The following SLC39A8 variants were observed in gnomAD, a reference collection of about 807,000 sequenced individuals.
The protein encoded by SLC39A8 is metal cation symporter ZIP8.
A neutral mutation model predicts 40.4 loss-of-function variants in SLC39A8; 15 were observed. That is an observed-to-expected ratio of 0.37 (90% CI 0.25 to 0.57). The LOEUF is 0.57. Among genes scored for constraint, SLC39A8 ranks in the 20% least tolerant of loss-of-function variants. SLC39A8 has a pLI of 0.75. For synonymous variants in SLC39A8, 223 were observed against 221.6 expected (o/e 1.01, Z -0.06); for missense variants, 472 against 558.8 (o/e 0.84, Z 1.57).
intron 11 of SLC39A8, among the ~76,000 whole-genome samples, chr4:102,256,208 G>A (rs952060257): frequency 1.3e-5 from 2 of 152,108 alleles, no homozygotes; most frequent in Non-Finnish European, 2.9e-5. Flanking sequence ...TGGGTGGAAC[G>A]TCTCAGCAAT....
At chr4:102,338,408 G>A (rs1320158715) in intron 2 of SLC39A8, among the ~76,000 whole-genome samples, 3 of 151,874 alleles carry the variant, frequency 2.0e-5, no homozygotes, top group Non-Finnish European at 4.4e-5. Flanking sequence ...GGATGGTCTC[G>A]ATCTCCTGAC....
At chr4:102,256,885 G>A (rs1234731051), downstream of SLC39A8, among the ~76,000 whole-genome samples, 1 of 152,146 alleles carries the variant, frequency 6.6e-6, no homozygotes, top group African/African-American at 2.4e-5. Context: ...TGGGGTGCAG[G>A]GAAACCACAG....
At chr4:102,265,878 T>C (rs939310162) in intron 8 of SLC39A8, among the ~76,000 whole-genome samples, 1 of 152,216 alleles carries the variant, frequency 6.6e-6, no homozygotes, top group South Asian at 2.1e-4. Flanking sequence ...AACCCATTCT[T>C]TCATGACCTC....
At chr4:102,335,946 A>G (rs1213502844) in intron 2 of SLC39A8, among the ~76,000 whole-genome samples, 2 of 152,108 alleles carry the variant, frequency 1.3e-5, no homozygotes, top group Non-Finnish European at 2.9e-5. Flanking sequence ...TGTTCAGATC[A>G]TCAATGGAAG....
At position 102,344,454 on chromosome 4, in the gene SLC39A8, T is replaced by G; in HGVS notation, c.209A>C (p.His70Pro). Residue 70 changes from histidine to proline, a missense_variant, in exon 2 of 9, where the codon CAC (histidine) becomes CCC (proline). This residue lies in a region of SLC39A8 where 175 missense variants were observed against 160.5 expected (regional missense o/e 1.09). Transcript: ENST00000356736. The stretch of plus-strand genomic sequence containing the variant: ...ACCTGGCGGCCTTACCTGGTTGAAG[T>G]GCAGCTGGCCAGGCTCCGGGACGCC... ...RVGVPEPGQL[H>P]FNQCLTAEEI... The G allele has an allele frequency of 3.3e-6, 5 of 1,538,278 alleles. No individual in the cohort carries two copies. The highest frequency in any genetic ancestry group is 4.4e-6 in the Non-Finnish European group (5 of 1,141,348).
In SLC39A8 at chr4:102,307,430, C is replaced by A. The variant is rs1449782421; in HGVS notation, c.552+6G>T. On this transcript the variant is annotated splice_donor_region_variant and intron_variant, in intron 4 of 8. Transcript: ENST00000356736. ...ATTCACAGAAACAAATAGCCAACATCCTTACCTCTGGAATAAGTTGGAAAA... is the reference window on the plus strand; with the variant it reads ...ATTCACAGAAACAAATAGCCAACATACTTACCTCTGGAATAAGTTGGAAAA... The A allele has an allele frequency of 4.4e-5, 71 of 1,612,538 alleles. No homozygotes were observed. The highest frequency in any genetic ancestry group is 5.7e-5 in the Non-Finnish European group (67 of 1,179,390).
At chr4:102,311,763 A>G (rs895148574) in intron 3 of SLC39A8, among the ~76,000 whole-genome samples, 3 of 152,096 alleles carry the variant, frequency 2.0e-5, no homozygotes, top group Non-Finnish European at 2.9e-5. Context: ...GAGAAATTTT[A>G]CTGTCTACCC....
chr4:102,263,488 G>A (rs1200053442), intron 8 of SLC39A8, among the ~76,000 whole-genome samples: 2 of 152,240 alleles, frequency 1.3e-5, no homozygotes, highest in East Asian at 3.9e-4. Context: ...CCAATCATTC[G>A]AGCTTTGGGT....
At chr4:102,319,390 A>G (rs1734804474) in intron 2 of SLC39A8, among the ~76,000 whole-genome samples, 1 of 152,112 alleles carries the variant, frequency 6.6e-6, no homozygotes, top group Admixed American at 6.5e-5. Flanking sequence ...CCTTGACTAA[A>G]CTGCAGTCAG....
intron 6 of SLC39A8, among the ~76,000 whole-genome samples, chr4:102,283,014 C>T (rs1471624209): frequency 3.3e-5 from 5 of 152,226 alleles, no homozygotes; most frequent in Admixed American, 6.5e-5. Flanking sequence ...GCGTGAGCCA[C>T]CACACCCAGC....
At chr4:102,294,067 A>G (rs1733581242) in intron 6 of SLC39A8, among the ~76,000 whole-genome samples, 1 of 152,050 alleles carries the variant, frequency 6.6e-6, no homozygotes. Flanking sequence ...GGATCCTCAT[A>G]TACAAAAATA....
chr4:102,292,818 A>T (rs969883662), intron 6 of SLC39A8, among the ~76,000 whole-genome samples: 1 of 152,110 alleles, frequency 6.6e-6, no homozygotes, highest in East Asian at 1.9e-4. Flanking sequence ...AAGATTTAGT[A>T]TTTAATGCAT....
chr4:102,312,759 T>C (rs1163199185), intron 3 of SLC39A8, among the ~76,000 whole-genome samples: 1 of 152,138 alleles, frequency 6.6e-6, no homozygotes, highest in Non-Finnish European at 1.5e-5. Flanking sequence ...TTAAGTCATT[T>C]AATCTTTACA....
chr4:102,260,259 C>T (rs996188360), downstream of SLC39A8, among the ~76,000 whole-genome samples: 1 of 152,142 alleles, frequency 6.6e-6, no homozygotes, highest in African/African-American at 2.4e-5. Flanking sequence ...CTGAGACAGC[C>T]GATATCCAGT....
chr4:102,284,664 T>C (rs1733073157), intron 6 of SLC39A8, among the ~76,000 whole-genome samples: 1 of 152,170 alleles, frequency 6.6e-6, no homozygotes, highest in Admixed American at 6.5e-5. Context: ...ATTGTTTTAA[T>C]ATAAAAGTTA....
At chr4:102,323,104 G>C (rs530374737) in intron 2 of SLC39A8, among the ~76,000 whole-genome samples, 1 of 152,246 alleles carries the variant, frequency 6.6e-6, no homozygotes, top group South Asian at 2.1e-4. Flanking sequence ...AGTAAGTGGC[G>C]ATCTCCTGTT....
chr4:102,261,125 T>A (rs59231051), downstream of SLC39A8, among the ~76,000 whole-genome samples: 1,397 of 93,364 alleles, frequency 0.015, 20 homozygotes, highest in African/African-American at 0.071. Context: ...TGTAGTAACA[T>A]CAGTGTTGGA....
chr4:102,325,507 A>T (rs543403456), intron 2 of SLC39A8, among the ~76,000 whole-genome samples: 8 of 152,294 alleles, frequency 5.3e-5, no homozygotes, highest in African/African-American at 1.9e-4. Flanking sequence ...GCTTTTCCTG[A>T]ATATACAATT....
At chr4:102,263,263 G>T in intron 8 of SLC39A8, 70 bp from the exon 9 acceptor site, 1 of 1,358,570 alleles carries the variant, frequency 7.4e-7, no homozygotes, top group Non-Finnish European at 1.0e-6. Context: ...TCACTTAGAG[G>T]CATACCTTGG....
Sources: allele counts gnomAD v4.1 joint callset (sites outside exome capture counted in the v4.1 genomes callset), GRCh38; gene constraint gnomAD v4.1.1; regional missense constraint gnomAD v4.1.1; transcripts MANE v1.5; gene names NCBI Gene and HGNC (gene_info 2026-07-23, HGNC 2026-07-21).